AIRIM: variants seen among roughly 807,000 people sequenced by gnomAD.
AIRIM encodes the protein AFG2 interacting ribosome maturation factor, also known as AFG2-interacting ribosome maturation factor.
the AIRIM span, among the ~76,000 whole-genome samples, chr1:37,687,472 A>C: frequency 3.1e-4 from 47 of 151,552 alleles, no homozygotes; most frequent in Middle Eastern, 3.4e-3. Flanking sequence ...AAAAAAAAAA[A>C]CAGGTGCAGT....
Sources: allele counts gnomAD v4.1 joint callset (sites outside exome capture counted in the v4.1 genomes callset), GRCh38; gene constraint gnomAD v4.1.1; transcripts MANE v1.5; gene names NCBI Gene and HGNC (gene_info 2026-07-23, HGNC 2026-07-21).